Variants in CNTNAP2 observed in about 807,000 individuals in gnomAD.
CNTNAP2 encodes contactin-associated protein-like 2.
Under a neutral mutation model 155.2 loss-of-function variants are expected in CNTNAP2, and 98 were observed. The observed-to-expected ratio is 0.63, with a 90% confidence interval of 0.54 to 0.75. CNTNAP2 has a LOEUF of 0.75. CNTNAP2 is among the 30% of genes least tolerant of loss of function. The pLI is 0.00. For missense variants in CNTNAP2, 1,727 were observed against 1,688.1 expected, an observed-to-expected ratio of 1.02 and a Z score of -0.40; for synonymous variants, 651 against 631.2, an observed-to-expected ratio of 1.03 and a Z score of -0.47.
chr7:147,127,117 C>T (rs1801256840), intron 6 of CNTNAP2, among the ~76,000 whole-genome samples: 1 of 152,094 alleles, frequency 6.6e-6, no homozygotes. Flanking sequence ...ACGTAGTACT[C>T]CATTTTAGTA....
chr7:147,544,361 A>C (rs1799692471), intron 11 of CNTNAP2, among the ~76,000 whole-genome samples: 2 of 152,316 alleles, frequency 1.3e-5, no homozygotes, highest in South Asian at 4.1e-4. Flanking sequence ...TAATGAGAGA[A>C]ATGCAAATTA....
intron 21 of CNTNAP2, among the ~76,000 whole-genome samples, chr7:148,336,419 CAGT>C (rs1798115766): frequency 6.8e-6 from 1 of 147,220 alleles, no homozygotes; most frequent in Non-Finnish European, 1.5e-5. Context: ...TTTTACTAAT[CAGT>C]AGCAGTGGTG....
At chr7:148,219,165 C>G (rs1795697942) in intron 19 of CNTNAP2, among the ~76,000 whole-genome samples, 1 of 152,082 alleles carries the variant, frequency 6.6e-6, no homozygotes, top group Non-Finnish European at 1.5e-5. Flanking sequence ...CAATCTCAAT[C>G]TCTTGACCTC....
chr7:148,235,910 C>T (rs1796035069), intron 20 of CNTNAP2, among the ~76,000 whole-genome samples: 1 of 152,096 alleles, frequency 6.6e-6, no homozygotes, highest in Admixed American at 6.5e-5. Context: ...TGGTCTCGAT[C>T]TCCTGACCTC....
intron 8 of CNTNAP2, among the ~76,000 whole-genome samples, chr7:147,248,680 C>T (rs1031216699): frequency 6.6e-6 from 1 of 152,098 alleles, no homozygotes; most frequent in Admixed American, 6.5e-5. Flanking sequence ...GATGAGCATG[C>T]CCATAGTCTT....
intron 1 of CNTNAP2, among the ~76,000 whole-genome samples, chr7:146,118,835 T>C (rs1032025472): frequency 6.6e-6 from 1 of 152,196 alleles, no homozygotes; most frequent in African/African-American, 2.4e-5. Context: ...TTTTATTAAC[T>C]TGGCTTTCAT....
intron 3 of CNTNAP2, among the ~76,000 whole-genome samples, chr7:146,929,289 T>A (rs1283690590): frequency 6.6e-6 from 1 of 152,010 alleles, no homozygotes; most frequent in Admixed American, 6.6e-5. Context: ...ACGAAAATCC[T>A]CTGCTCTGCA....
Position 146,448,799 on chromosome 7 carries a change from C to T in CNTNAP2, c.98-325472C>T, listed in dbSNP as rs147007470. ...TAACACAAAACTTTTCTTCACACTA[C>T]ACCTTTATAGTTAAAAACGTCACCC... On this transcript the variant is annotated intron_variant, in intron 1 of 23. Transcript: ENST00000361727. 1.4e-4 allele frequency among the ~76,000 whole-genome samples: 22 copies of T among 152,198 alleles called. No homozygotes were observed. The East Asian group carries it at 3.9e-3, about 27-fold the overall frequency.
chr7:148,393,454 C>T (rs562894878), intron 22 of CNTNAP2, among the ~76,000 whole-genome samples: 3 of 152,298 alleles, frequency 2.0e-5, no homozygotes, highest in South Asian at 2.1e-4. Context: ...AAACACCAAG[C>T]GCATTTATGT....
chr7:146,968,999 T>C (rs1227361423), intron 3 of CNTNAP2, among the ~76,000 whole-genome samples: 1 of 149,536 alleles, frequency 6.7e-6, no homozygotes, highest in East Asian at 1.9e-4. Flanking sequence ...CCAGAGATTC[T>C]GGTATGTTCT....
intron 22 of CNTNAP2, among the ~76,000 whole-genome samples, chr7:148,384,222 A>C (rs1470435243): frequency 6.6e-6 from 1 of 152,220 alleles, no homozygotes; most frequent in Non-Finnish European, 1.5e-5. Context: ...TATGACTCTT[A>C]ATGACTTGCT....
intron 3 of CNTNAP2, among the ~76,000 whole-genome samples, chr7:146,859,659 CA>C (rs541299849): frequency 7.6e-4 from 107 of 140,728 alleles, no homozygotes; most frequent in South Asian, 5.6e-3. Context: ...AATTCCGTCT[CA>C]AAAAAAAAAA....
chr7:146,385,062 CAT>C (rs1410943734), intron 1 of CNTNAP2, among the ~76,000 whole-genome samples: 2 of 152,120 alleles, frequency 1.3e-5, no homozygotes, highest in Non-Finnish European at 2.9e-5. Context: ...AGTGGCGCAG[CAT>C]ATACATGTTA....
intron 6 of CNTNAP2, among the ~76,000 whole-genome samples, chr7:147,126,234 C>A (rs1436826818): frequency 1.3e-5 from 2 of 151,958 alleles, no homozygotes; most frequent in African/African-American, 4.8e-5. Context: ...TAGAGGTATC[C>A]AATAGTCCCT....
chr7:147,118,751 A>G (rs760641186), intron 5 of CNTNAP2, among the ~76,000 whole-genome samples: 27 of 152,204 alleles, frequency 1.8e-4, no homozygotes, highest in African/African-American at 3.6e-4. Context: ...ATATCAAAAA[A>G]TAGAATGGAT....
At chr7:147,297,244 C>T (rs1482596387) in intron 8 of CNTNAP2, among the ~76,000 whole-genome samples, 2 of 152,130 alleles carry the variant, frequency 1.3e-5, no homozygotes, top group African/African-American at 4.8e-5. Flanking sequence ...GTGCCAGATT[C>T]CTGGTCATGA....
At chr7:148,012,716 T>C (rs1283745520) in intron 15 of CNTNAP2, among the ~76,000 whole-genome samples, 1 of 152,234 alleles carries the variant, frequency 6.6e-6, no homozygotes, top group East Asian at 1.9e-4. Context: ...CACTCTCATT[T>C]AATTATCAAG....
At chr7:148,189,586 T>TGGGATGATACAACAAGAG (rs1298515676) in intron 18 of CNTNAP2, among the ~76,000 whole-genome samples, 3 of 152,142 alleles carry the variant, frequency 2.0e-5, no homozygotes, top group Non-Finnish European at 2.9e-5. Flanking sequence ...CCTTCTGCCA[T>TGGGATGATACAACAAGAG]GGGATGATAC....
chr7:147,541,964 G>A (rs970248659), intron 11 of CNTNAP2, among the ~76,000 whole-genome samples: 3 of 152,120 alleles, frequency 2.0e-5, no homozygotes, highest in Non-Finnish European at 2.9e-5. Context: ...GAGAGCCAGT[G>A]GCACATCATC....
Sources: gnomAD v4.1 joint callset for allele counts (sites outside exome capture counted in the v4.1 genomes callset) on GRCh38, gnomAD v4.1.1 for gene constraint, MANE v1.5 for transcripts, NCBI Gene and HGNC (gene_info 2026-07-23, HGNC 2026-07-21) for gene names.